FRMPD3: variants seen among roughly 807,000 people sequenced by gnomAD.
FRMPD3 encodes FERM and PDZ domain containing 3, also known as FERM and PDZ domain-containing protein 3.
FRMPD3 carries 42 observed loss-of-function variants against 97.9 expected under a neutral mutation model. The ratio of observed to expected loss-of-function variants is 0.43; its 90% CI spans 0.34 to 0.55. FRMPD3 has a LOEUF of 0.55. Ranked by LOEUF, FRMPD3 falls within the 20% of genes least tolerant of loss-of-function variation. The probability of loss-of-function intolerance (pLI) is 0.03; values close to 1 mark genes in which losing one functional copy is unlikely to be tolerated. For missense variants in FRMPD3, 1,303 were observed against 1,457.7 expected (o/e 0.89, Z 1.73); for synonymous variants, 577 against 581.1 (o/e 0.99, Z 0.10).
Position 107,597,478 on chromosome X carries a change from G to A in FRMPD3, c.1599G>A (p.Met533Ile). The A allele has an allele frequency of 1.7e-6, 2 of 1,210,834 alleles. No homozygotes were observed. The highest frequency in any genetic ancestry group is 3.5e-5 in the South Asian group (2 of 56,982). Residue 533 changes from methionine (M) to isoleucine (I), a missense_variant, in exon 14 of 15, where the codon ATG becomes ATA. Transcript: ENST00000683843. Reference protein sequence around the residue: ...SELVSFCYLHMREQRKEQESR... With the variant: ...SELVSFCYLHIREQRKEQESR... ...TTGTCAGCTTCTGCTACCTCCATATGCGGGAACAAAGGAAGGAGCAGGAAA... is the reference window on the plus strand; with the variant it reads ...TTGTCAGCTTCTGCTACCTCCATATACGGGAACAAAGGAAGGAGCAGGAAA...
intron 8 of FRMPD3, among the ~76,000 whole-genome samples, chrX:107,556,266 G>C (rs1922075150): frequency 9.0e-6 from 1 of 110,769 alleles, no homozygotes; most frequent in Admixed American, 9.6e-5. Flanking sequence ...AGGAGGCAAT[G>C]AGTTGTGGTT....
At chrX:107,521,310 G>A (rs1381931984) in intron 1 of FRMPD3, among the ~76,000 whole-genome samples, 1 of 112,212 alleles carries the variant, frequency 8.9e-6, no homozygotes, top group Non-Finnish European at 1.9e-5. Flanking sequence ...CTCTTCCATT[G>A]TCTAAAAATA....
intron 13 of FRMPD3, among the ~76,000 whole-genome samples, chrX:107,586,926 T>G (rs1923676019): frequency 8.9e-6 from 1 of 112,327 alleles, no homozygotes. Flanking sequence ...ATATATTCTG[T>G]TGATTTGGGG....
chrX:107,452,037 A>C (rs934723864), intron 1 of FRMPD3, among the ~76,000 whole-genome samples: 14 of 112,072 alleles, frequency 1.2e-4, no homozygotes, highest in African/African-American at 3.9e-4. Flanking sequence ...AATCCCTGCC[A>C]GGCCAAGGTG....
chrX:107,554,296 AC>A, intron 7 of FRMPD3, 88 bp from the exon 8 acceptor site: 3 of 1,007,383 alleles, frequency 3.0e-6, no homozygotes, highest in Non-Finnish European at 4.1e-6. Context: ...CCCAAGCCCC[AC>A]CTTAAAGAGC....
At chrX:107,562,504 A>G (rs1922414682) in intron 10 of FRMPD3, among the ~76,000 whole-genome samples, 1 of 112,554 alleles carries the variant, frequency 8.9e-6, no homozygotes, top group Non-Finnish European at 1.9e-5. Flanking sequence ...CACAGGTGGG[A>G]ATGTCAAGGC....
chrX:107,514,529 C>CT (rs753016000), intron 1 of FRMPD3, among the ~76,000 whole-genome samples: 2,307 of 95,437 alleles, frequency 0.024, 59 homozygotes, highest in African/African-American at 0.057. Context: ...TTTCCTTTTC[C>CT]TTTTTTTTTT....
intron 1 of FRMPD3, among the ~76,000 whole-genome samples, chrX:107,494,735 G>A (rs1294771020): frequency 1.8e-5 from 2 of 111,885 alleles, no homozygotes; most frequent in Non-Finnish European, 3.8e-5. Context: ...GCTCAGAAAA[G>A]TAGATGATGT....
At chrX:107,481,378 T>A (rs1380918167) in intron 1 of FRMPD3, among the ~76,000 whole-genome samples, 1 of 111,700 alleles carries the variant, frequency 9.0e-6, no homozygotes, top group Non-Finnish European at 1.9e-5. Context: ...GAACTGTAAT[T>A]TGTAGGGATC....
chrX:107,582,796 G>A (rs753836205), intron 13 of FRMPD3, among the ~76,000 whole-genome samples: 1 of 112,350 alleles, frequency 8.9e-6, no homozygotes, highest in Non-Finnish European at 1.9e-5. Flanking sequence ...ATCAGAAAGT[G>A]TGAGTCATCC....
Position 107,526,451 on chromosome X carries a change from G to A in FRMPD3, c.-7-131G>A, listed in dbSNP as rs1922699593. ...GCAGTCATCATCTCTGTTGGCTCCAGAGGATGTAGGAAGCTAAGCTGTAAA... is the reference window on the plus strand; with the variant it reads ...GCAGTCATCATCTCTGTTGGCTCCAAAGGATGTAGGAAGCTAAGCTGTAAA... On this transcript the variant is annotated intron_variant, in intron 1 of 14. Transcript: ENST00000683843. 1.1e-5 allele frequency: 5 copies of A among 458,036 alleles called. No homozygotes were observed. The South Asian group carries it at 2.3e-4, about 21-fold the overall frequency. 37.7% of individuals were successfully genotyped at this position (458,036 alleles called of 1,213,427 possible).
intron 2 of FRMPD3, among the ~76,000 whole-genome samples, chrX:107,527,100 C>T (rs1052995056): frequency 8.0e-5 from 9 of 111,814 alleles, no homozygotes; most frequent in Non-Finnish European, 1.5e-4. Flanking sequence ...TACTCTAAGC[C>T]CAGCAATGTT....
chrX:107,550,035 C>A lies in FRMPD3; in HGVS notation c.403-14C>A, dbSNP rs781589882. On this transcript the variant is annotated splice_polypyrimidine_tract_variant and intron_variant, in intron 5 of 14. Coordinates refer to ENST00000683843, the MANE Select transcript of FRMPD3 (RefSeq NM_001388459.1). ...ATGAGCCGGTCTCCTTGTCCTTTCC[C>A]TGCTTGTTCACAGAAAATGATGAAG... is the stretch of plus-strand genomic sequence containing the variant. 1.4e-5 allele frequency: 15 copies of A among 1,110,038 alleles called. 1 individual carries two copies. In the South Asian group the frequency reaches 2.3e-4, roughly 17 times the overall value. The allele number at this position is 1,110,038 out of a possible 1,213,427, so 91.5% of individuals were successfully genotyped here. A position where few individuals can be genotyped will look rare whatever the true frequency, so the allele number is the denominator to read the frequency against.
chrX:107,532,970 G>A (rs774443744), intron 3 of FRMPD3, among the ~76,000 whole-genome samples: 8 of 111,759 alleles, frequency 7.2e-5, no homozygotes, highest in African/African-American at 9.8e-5. Context: ...GCTTCCATCT[G>A]TTGCTCCCTG....
At chrX:107,576,176 C>T (rs1923107612) in intron 12 of FRMPD3, 139 bp from the exon 13 acceptor site, 1 of 561,827 alleles carries the variant, frequency 1.8e-6, no homozygotes, top group Non-Finnish European at 2.9e-6. Flanking sequence ...ATTTGTCAAG[C>T]CATGTGCCTC....
chrX:107,537,633 G>A (rs1315213661), intron 4 of FRMPD3, among the ~76,000 whole-genome samples: 1 of 111,523 alleles, frequency 9.0e-6, no homozygotes, highest in Non-Finnish European at 1.9e-5. Flanking sequence ...GAGGTCCAGG[G>A]GGAGAGGTCA....
intron 2 of FRMPD3, among the ~76,000 whole-genome samples, chrX:107,527,077 T>C (rs1922725079): frequency 8.9e-6 from 1 of 111,840 alleles, no homozygotes; most frequent in Non-Finnish European, 1.9e-5. Context: ...TCAACAAGTA[T>C]CTATAGATTG....
chrX:107,535,394 G>A (rs1270989081), intron 4 of FRMPD3, among the ~76,000 whole-genome samples: 1 of 111,380 alleles, frequency 9.0e-6, no homozygotes, highest in African/African-American at 3.3e-5. Context: ...AATAGGCTGG[G>A]TGCAGTGGCT....
chrX:107,576,302 T>G lies in FRMPD3; in HGVS notation c.1297-13T>G. 1 of 1,207,062 alleles carries G rather than the reference T, an allele frequency of 8.3e-7. No individual in the cohort carries two copies. Among genetic ancestry groups the G allele is most frequent in the South Asian group, 1.8e-5 (1 of 56,303 alleles). On this transcript the variant is annotated splice_polypyrimidine_tract_variant and intron_variant, in intron 12 of 14. Coordinates refer to ENST00000683843, the MANE Select transcript of FRMPD3 (RefSeq NM_001388459.1). ...TTCCCATGTCTTCATGTTTCTTCCC[T>G]TCTCTTCTGCAGCCTCTGGTGCTGT...
Sources: allele counts gnomAD v4.1 joint callset (sites outside exome capture counted in the v4.1 genomes callset), GRCh38; gene constraint gnomAD v4.1.1; transcripts MANE v1.5; gene names NCBI Gene and HGNC (gene_info 2026-07-23, HGNC 2026-07-21).